EVPL: variants seen among roughly 807,000 people sequenced by gnomAD.
EVPL encodes the protein envoplakin.
A neutral mutation model predicts 129.7 loss-of-function variants in EVPL; 94 were observed. The ratio of observed to expected loss-of-function variants is 0.72; its 90% CI spans 0.61 to 0.86. The LOEUF is 0.86. EVPL is among the 40% of genes least tolerant of loss of function. The probability of loss-of-function intolerance (pLI) is 0.00; values close to 1 mark genes in which losing one functional copy is unlikely to be tolerated. For synonymous variants in EVPL, 1,172 were observed against 1,191.1 expected (o/e 0.98, Z 0.33); for missense variants, 2,625 against 2,721.1 (o/e 0.96, Z 0.79).
chr17:76,007,981 TGCG>T lies in EVPL; in HGVS notation c.5221_5223del (p.Arg1741del). 1 of 1,614,098 alleles carries T rather than the reference TGCG, an allele frequency of 6.2e-7. No homozygotes were observed. Among genetic ancestry groups the T allele is most frequent in the Non-Finnish European group, 8.5e-7 (1 of 1,180,024 alleles). On this transcript the variant is annotated inframe_deletion, in exon 22 of 22. Coordinates refer to ENST00000301607, the MANE Select transcript of EVPL (RefSeq NM_001988.4). The surrounding 1 kb of genome is among the most constrained non-coding windows in gnomAD (Gnocchi z 8.8). Reference sequence around the variant, plus strand: ...TCGATGGAGTACTGCTTCCCGCTCTTGCGGTCCAGGAGCACAGACTCCTCCCCA... The same window carrying T: ...TCGATGGAGTACTGCTTCCCGCTCTTGTCCAGGAGCACAGACTCCTCCCCA...
rs199627871 is a variant in EVPL at position 76,008,404 on chromosome 17, C to T, written c.4801G>A (p.Ala1601Thr). Residue 1601 changes from alanine (A) to threonine (T), a missense_variant, in exon 22 of 22, where the codon GCT (alanine) becomes ACT (threonine). By Grantham distance (58) the Ala-to-Thr change is moderately conservative. Coordinates refer to ENST00000301607, the MANE Select transcript of EVPL (RefSeq NM_001988.4). The surrounding 1 kb of genome is among the most constrained non-coding windows in gnomAD (Gnocchi z 7.4). The stretch of plus-strand genomic sequence containing the variant: ...TGCTGCTGCTTCTGCCTCTCCAGAG[C>T]CCGCAGCTCCTGCTGCAGCCGCCCA... ...ECGRLQQELR[A>T]LERQKQQQTL... The T allele has an allele frequency of 6.5e-5, 103 of 1,593,464 alleles. No homozygotes were observed. Among genetic ancestry groups the T allele is most frequent in the Admixed American group, 1.0e-4 (6 of 58,748 alleles).
intron 9 of EVPL, 89 bp from the exon 10 acceptor site, chr17:76,019,742 A>G (rs2144428515): frequency 6.7e-7 from 1 of 1,483,366 alleles, no homozygotes; most frequent in Non-Finnish European, 8.9e-7. Flanking sequence ...CCAGCTAAAC[A>G]CAAAGCAGCT....
intron 11 of EVPL, 34 bp from the exon 12 acceptor site, chr17:76,018,634 C>A: frequency 6.4e-7 from 1 of 1,570,528 alleles, no homozygotes; most frequent in Non-Finnish European, 8.6e-7. Context: ...CTCCTGAGGG[C>A]TCAGGGGCAG....
Position 76,007,499 on chromosome 17 carries a change from G to A in EVPL, c.5706C>T (p.Ala1902=). 1 of 1,613,506 alleles carries A rather than the reference G, an allele frequency of 6.2e-7. No homozygotes were observed. Among genetic ancestry groups the A allele is most frequent in the Non-Finnish European group, 8.5e-7 (1 of 1,179,898 alleles). The change falls in exon 22 of 22, where the codon GCC becomes GCT. Residue 1902 remains alanine (A), a synonymous_variant. Coordinates refer to ENST00000301607, the MANE Select transcript of EVPL (RefSeq NM_001988.4). The surrounding 1 kb of genome is among the most constrained non-coding windows in gnomAD (Gnocchi z 8.8). ...STQRLLNAQK[A]FTGIEDPVTK... ...TGACGGGGTCCTCGATGCCGGTGAA[G>A]GCCTTCTGGGCGTTAAGCAGCCTCT...
In EVPL at chr17:76,017,816, C is replaced by A; in HGVS notation, c.1633G>T (p.Val545Leu). The A allele has an allele frequency of 6.2e-7, 1 of 1,613,810 alleles. No individual in the cohort carries two copies. Among genetic ancestry groups the A allele is most frequent in the Non-Finnish European group, 8.5e-7 (1 of 1,180,036 alleles). ...AGCGGGGCCCGCGCCCAGGCCAGCACCTGCCTCTCTATCTGTCCCAGGTCT... is the reference window on the plus strand; with the variant it reads ...AGCGGGGCCCGCGCCCAGGCCAGCAACTGCCTCTCTATCTGTCCCAGGTCT... ...DGDLGQIERQ[V>L]LAWARAPLSR... is the part of the protein sequence containing the mutation. Residue 545 changes from valine to leucine, a missense_variant, in exon 14 of 22, where the codon GTG (valine) becomes TTG (leucine). By Grantham distance (32) the Val-to-Leu change is conservative. Transcript: ENST00000301607.
At position 76,009,608 on chromosome 17, in the gene EVPL, G is replaced by T; in HGVS notation, c.3597C>A (p.Ile1199=). The T allele has an allele frequency of 1.2e-6, 2 of 1,614,074 alleles. No homozygotes were observed. Among genetic ancestry groups the T allele is most frequent in the South Asian group, 2.2e-5 (2 of 91,088 alleles). The change falls in exon 22 of 22, where the codon ATC becomes ATA. Residue 1199 remains isoleucine (I), a synonymous_variant. Transcript: ENST00000301607. The surrounding 1 kb of genome is among the most constrained non-coding windows in gnomAD (Gnocchi z 5.9). ...KVQLQERVHE[I]FQVDPETEQE... The stretch of plus-strand genomic sequence containing the variant: ...GCTCTGTCTCCGGATCCACCTGGAA[G>T]ATCTCGTGGACGCGCTCCTGGAGCT...
chr17:76,007,785 T>C lies in EVPL; in HGVS notation c.5420A>G (p.Gln1807Arg). The change falls in exon 22 of 22, where the codon CAG (glutamine) becomes CGG (arginine). Residue 1807 changes from glutamine (Q) to arginine (R), a missense_variant. Gln to Arg is a conservative substitution (Grantham distance 43). This residue lies in a region of EVPL where 1,453 missense variants were observed against 1,511.8 expected (regional missense o/e 0.96). Coordinates refer to ENST00000301607, the MANE Select transcript of EVPL (RefSeq NM_001988.4). The surrounding 1 kb of genome is among the most constrained non-coding windows in gnomAD (Gnocchi z 8.8). ...GCTGGGAGAGAAGAAACTGGTGCTC[T>C]GGGGGGCCGGGGAGGCGAGCGGGGA... ...SKSPLASPAP[Q>R]STSFFSPSFS... The C allele has an allele frequency of 6.2e-7, 1 of 1,611,930 alleles. No homozygotes were observed. The highest frequency in any genetic ancestry group is 8.5e-7 in the Non-Finnish European group (1 of 1,178,468).
At chr17:76,011,411 G>A (rs1010656492) in intron 21 of EVPL, 165 bp downstream of exon 21, 12 of 655,066 alleles carry the variant, frequency 1.8e-5, no homozygotes, top group Non-Finnish European at 2.7e-5. Context: ...TGGGTGGCTG[G>A]AATCCGCTCC....
In EVPL at chr17:76,014,956, T is replaced by C. The variant is rs772997604; in HGVS notation, c.2182A>G (p.Thr728Ala). The C allele has an allele frequency of 6.3e-7, 1 of 1,593,868 alleles. No homozygotes were observed. The highest frequency in any genetic ancestry group is 2.2e-5 in the East Asian group (1 of 44,522). The change falls in exon 17 of 22, where the codon ACC becomes GCC. Residue 728 changes from threonine to alanine, a missense_variant. Physicochemically the swap from Thr to Ala is moderately conservative, Grantham distance 58. Coordinates refer to ENST00000301607, the MANE Select transcript of EVPL (RefSeq NM_001988.4). ...PRQQRQVRAL[T>A]DRYHAVGDQL... is the part of the protein sequence containing the mutation. ...TCCCCTACGGCGTGGTAGCGGTCGG[T>C]GAGGGCTCGCACCTGGCGCTGCTGG...
chr17:76,018,077 C>A (rs1327386462), intron 13 of EVPL, 84 bp downstream of exon 13: 2 of 1,536,462 alleles, frequency 1.3e-6, no homozygotes. Flanking sequence ...CCCAAGGCGA[C>A]CCCTGCCCAT....
chr17:76,008,398 C>T lies in EVPL; in HGVS notation c.4807G>A (p.Glu1603Lys). 1 of 1,594,908 alleles carries T rather than the reference C, an allele frequency of 6.3e-7. No individual in the cohort carries two copies. Among genetic ancestry groups the T allele is most frequent in the Non-Finnish European group, 8.5e-7 (1 of 1,176,500 alleles). ...GRLQQELRAL[E>K]RQKQQQTLQL... Reference sequence around the variant, plus strand: ...AGTGTCTGCTGCTGCTTCTGCCTCTCCAGAGCCCGCAGCTCCTGCTGCAGC... The same window carrying T: ...AGTGTCTGCTGCTGCTTCTGCCTCTTCAGAGCCCGCAGCTCCTGCTGCAGC... The change falls in exon 22 of 22, where the codon GAG (glutamate) becomes AAG (lysine). Residue 1603 changes from glutamate to lysine, a missense_variant. Coordinates refer to ENST00000301607, the MANE Select transcript of EVPL (RefSeq NM_001988.4). This position sits in a 1 kb window ranked among gnomAD's most constrained non-coding sequence, Gnocchi z 7.4.
chr17:76,015,357 G>A lies in EVPL; in HGVS notation c.1898C>T (p.Ala633Val), dbSNP rs774345315. The change falls in exon 16 of 22, where the codon GCT (alanine) becomes GTT (valine). Residue 633 changes from alanine to valine, a missense_variant. Physicochemically the swap from Ala to Val is moderately conservative, Grantham distance 64. This residue lies in a region of EVPL where 1,024 missense variants were observed against 997.5 expected (regional missense o/e 1.03). Transcript: ENST00000301607. ...LCSLYGEKAK[A>V]ALDLERQIQD... ...GATCTGCCGCTCCAGATCCAGGGCA[G>A]CCTTGGCTCTGCCGCAGAGGAGGCA... The A allele has an allele frequency of 6.2e-7, 1 of 1,604,186 alleles. No homozygotes were observed. Among genetic ancestry groups the A allele is most frequent in the South Asian group, 1.1e-5 (1 of 90,774 alleles).
rs746136081 is a variant in EVPL, at chr17:76,019,654, C to A, written c.1012-1G>T. ...TGACTGAGTCGGCCTCTTCCTGGAACTGAGTTCACTGGGTGGTCAAGGGCA... is the reference window on the plus strand; with the variant it reads ...TGACTGAGTCGGCCTCTTCCTGGAAATGAGTTCACTGGGTGGTCAAGGGCA... On this transcript the variant is annotated splice_acceptor_variant, in intron 9 of 21. Transcript: ENST00000301607. LOFTEE classifies it high-confidence loss of function. 6.2e-7 allele frequency: 1 copy of A among 1,610,512 alleles called. No individual in the cohort carries two copies. Among genetic ancestry groups the A allele is most frequent in the South Asian group, 1.1e-5 (1 of 90,776 alleles).
chr17:76,027,081 C>A lies in EVPL; in HGVS notation c.98+20G>T, dbSNP rs1459001749. The A allele has an allele frequency of 2.3e-5, 33 of 1,409,104 alleles. No homozygotes were observed. Among genetic ancestry groups the A allele is most frequent in the Non-Finnish European group, 3.0e-5 (32 of 1,052,358 alleles). The allele number at this position is 1,409,104 out of a possible 1,614,324, so 87.3% of individuals were successfully genotyped here. ...CCCCCACCCCAGTTCCCCGGCTCCCCATCCCCCAGTCCCACTTACCGGCTG... is the reference window on the plus strand; with the variant it reads ...CCCCCACCCCAGTTCCCCGGCTCCCAATCCCCCAGTCCCACTTACCGGCTG... On this transcript the variant is annotated intron_variant, in intron 1 of 21. Coordinates refer to ENST00000301607, the MANE Select transcript of EVPL (RefSeq NM_001988.4).
rs1288952456 is a variant in EVPL at position 76,009,208 on chromosome 17, G to C, written c.3997C>G (p.Leu1333Val). The change falls in exon 22 of 22, where the codon CTC becomes GTC. Residue 1333 changes from leucine to valine, a missense_variant. This residue lies in a region of EVPL where 1,453 missense variants were observed against 1,511.8 expected (regional missense o/e 0.96). Coordinates refer to ENST00000301607, the MANE Select transcript of EVPL (RefSeq NM_001988.4). This position sits in a 1 kb window ranked among gnomAD's most constrained non-coding sequence, Gnocchi z 5.9. ...GCCGCCTCCCGCACCTCCTGGCGGA[G>C]CCGCTCTGCTTCTTTCTCCAGCACC... Reference protein sequence around the residue: ...DPVLEKEAERLRQEVREAAQK... With the variant: ...DPVLEKEAERVRQEVREAAQK... 2 of 1,609,204 alleles carry C rather than the reference G, an allele frequency of 1.2e-6. No homozygotes were observed. Among genetic ancestry groups the C allele is most frequent in the African/African-American group, 2.7e-5 (2 of 74,930 alleles).
At position 76,024,026 on chromosome 17, in the gene EVPL, G is replaced by A; in HGVS notation, c.193C>T (p.Gln65Ter). ...AACTGCTGCCGGGGCCTCACCTGCT[G>A]CAGCCTCTTCTGCGTCTCCAGGATG... The part of the protein sequence containing the change: ...RDILETQKRL[Q>*]QDRLNSEQSQ... The change falls in exon 2 of 22, where the codon CAG becomes TAG. Residue 65 changes from glutamine (Q) to a stop codon, truncating the protein, a stop_gained. Transcript: ENST00000301607. LOFTEE classifies it high-confidence loss of function. This position sits in a 1 kb window ranked among gnomAD's most constrained non-coding sequence, Gnocchi z 4.5. The A allele has an allele frequency of 3.7e-6, 6 of 1,612,740 alleles. No individual in the cohort carries two copies. The highest frequency in any genetic ancestry group is 4.2e-6 in the Non-Finnish European group (5 of 1,179,600).
Position 76,024,583 on chromosome 17 carries a change from T to C in EVPL, c.99-463A>G, listed in dbSNP as rs113178844. On this transcript the variant is annotated intron_variant, in intron 1 of 21. Transcript: ENST00000301607. The surrounding 1 kb of genome is among the most constrained non-coding windows in gnomAD (Gnocchi z 4.5). Reference sequence around the variant, plus strand: ...TCCCCACCTCCTCGCACTCCAGCCCTGTGTTCCCCTATACCTCCTCCACCC... The same window carrying C: ...TCCCCACCTCCTCGCACTCCAGCCCCGTGTTCCCCTATACCTCCTCCACCC... Among the ~76,000 whole-genome samples, 982 of 152,116 alleles carry C rather than the reference T, an allele frequency of 6.5e-3. 20 individuals are homozygous for C. Among genetic ancestry groups the C allele is most frequent in the African/African-American group, 0.023 (939 of 41,494 alleles).
rs1025486950 is a variant in EVPL at position 76,013,600 on chromosome 17, C to A, written c.2373+826G>T. 1.3e-5 allele frequency among the ~76,000 whole-genome samples: 2 copies of A among 152,210 alleles called. No individual in the cohort carries two copies. Among genetic ancestry groups the A allele is most frequent in the Non-Finnish European group, 2.9e-5 (2 of 68,042 alleles). On this transcript the variant is annotated intron_variant, in intron 18 of 21. Coordinates refer to ENST00000301607, the MANE Select transcript of EVPL (RefSeq NM_001988.4). The surrounding 1 kb of genome is among the most constrained non-coding windows in gnomAD (Gnocchi z 4.3). ...CACCGGGCCCCGTCCATCTCACTCA[C>A]TGTCCCCTTCAAGCAGTCACCAAGT...
chr17:76,020,331 G>A (rs1303129504), intron 9 of EVPL, among the ~76,000 whole-genome samples: 1 of 151,994 alleles, frequency 6.6e-6, no homozygotes, highest in African/African-American at 2.4e-5. Flanking sequence ...ATTTTTTTAA[G>A]TGGGTCATAA....
Sources: allele counts gnomAD v4.1 joint callset (sites outside exome capture counted in the v4.1 genomes callset), GRCh38; gene constraint gnomAD v4.1.1; regional missense constraint gnomAD v4.1.1; non-coding constraint Gnocchi (gnomAD v3.1); transcripts MANE v1.5; gene names NCBI Gene and HGNC (gene_info 2026-07-23, HGNC 2026-07-21).